The following GNAL variants were observed in gnomAD, a reference collection of about 807,000 sequenced individuals.
GNAL encodes G protein subunit alpha L.
A neutral mutation model predicts 55.1 loss-of-function variants in GNAL; 18 were observed. The observed-to-expected ratio is 0.33, with a 90% CI of 0.23 to 0.48. The LOEUF (loss-of-function observed/expected upper bound fraction) is 0.48, where lower values mean the gene tolerates loss of function less well. Among genes scored for constraint, GNAL ranks in the 20% least tolerant of loss-of-function variants. GNAL has a pLI of 0.99. For synonymous variants in GNAL, 253 were observed against 237.0 expected (o/e 1.07, Z -0.62); for missense variants, 412 against 614.1 (o/e 0.67, Z 3.48).
Position 11,751,608 on chromosome 18 carries a change from G to C in GNAL, c.377-1245G>C. 1.0e-6 allele frequency: 1 copy of C among 985,496 alleles called. No homozygotes were observed. The highest frequency in any genetic ancestry group is 1.2e-6 in the Non-Finnish European group (1 of 829,972). 61.0% of individuals were successfully genotyped at this position (985,496 alleles called of 1,614,324 possible). Reference sequence around the variant, plus strand: ...GGACGCGTCCGAGCCAACACGGGGCGCGCGCCCAGACGCACTTTCCCGGCT... The same window carrying C: ...GGACGCGTCCGAGCCAACACGGGGCCCGCGCCCAGACGCACTTTCCCGGCT... On this transcript the variant is annotated intron_variant, in intron 1 of 11. Coordinates refer to ENST00000334049, the MANE Select transcript of GNAL (RefSeq NM_182978.4). The surrounding 1 kb of genome is among the most constrained non-coding windows in gnomAD (Gnocchi z 4.5).
chr18:11,731,497 C>T lies in GNAL; in HGVS notation c.377-21356C>T, dbSNP rs372890239. Among the ~76,000 whole-genome samples the T allele has an allele frequency of 7.2e-5, 11 of 152,314 alleles. No homozygotes were observed. The East Asian group carries it at 1.5e-3, about 21-fold the overall frequency. ...TCTGAGGTTACCCTTGGCCAAGAAGCTTCATTCAGTCAGTGGGGGGCCTTA... is the reference window on the plus strand; with the variant it reads ...TCTGAGGTTACCCTTGGCCAAGAAGTTTCATTCAGTCAGTGGGGGGCCTTA... On this transcript the variant is annotated intron_variant, in intron 1 of 11. Transcript: ENST00000334049.
chr18:11,852,773 A>G, intron 5 of GNAL: 2 of 166,932 alleles, frequency 1.2e-5, no homozygotes. Context: ...TCACGTGATA[A>G]TTGTCTTTGC....
intron 4 of GNAL, among the ~76,000 whole-genome samples, chr18:11,760,948 G>C (rs893988131): frequency 6.6e-6 from 1 of 152,180 alleles, no homozygotes; most frequent in African/African-American, 2.4e-5. Context: ...CTGATGTGAG[G>C]ATTAAACATG....
intron 4 of GNAL, among the ~76,000 whole-genome samples, chr18:11,778,019 C>T (rs1244350051): frequency 1.3e-5 from 2 of 152,196 alleles, no homozygotes; most frequent in African/African-American, 4.8e-5. Flanking sequence ...TCCCCACCAG[C>T]TTGTGTTGTG....
chr18:11,689,797 C>CGAGCAGCTGAGTGCCGAG lies in GNAL; in HGVS notation c.239_256dup (p.Gln80_Glu85dup). 1 of 1,537,022 alleles carries CGAGCAGCTGAGTGCCGAG rather than the reference C, an allele frequency of 6.5e-7. No individual in the cohort carries two copies. The highest frequency in any genetic ancestry group is 8.7e-7 in the Non-Finnish European group (1 of 1,144,848). On this transcript the variant is annotated inframe_insertion, in exon 1 of 12. Coordinates refer to ENST00000334049, the MANE Select transcript of GNAL (RefSeq NM_182978.4). ...AGCCGAAGGAGAAGCGGCAGCGCAC[C>CGAGCAGCTGAGTGCCGAG]GAGCAGCTGAGTGCCGAGGAGCGCG...
Position 11,751,737 on chromosome 18 carries a change from G to C in GNAL, c.377-1116G>C. On this transcript the variant is annotated intron_variant, in intron 1 of 11. Transcript: ENST00000334049. The surrounding 1 kb of genome is among the most constrained non-coding windows in gnomAD (Gnocchi z 4.5). ...CGCCCCAGCCGGCCGGGCTCCGTGGGGGGTCAGCTCCCTGACCCCTACAGC... is the reference window on the plus strand; with the variant it reads ...CGCCCCAGCCGGCCGGGCTCCGTGGCGGGTCAGCTCCCTGACCCCTACAGC... The C allele has an allele frequency of 2.4e-6, 2 of 848,728 alleles. No homozygotes were observed. Among genetic ancestry groups the C allele is most frequent in the Non-Finnish European group, 2.8e-6 (2 of 704,702 alleles). The allele number at this position is 848,728 out of a possible 1,614,324, so 52.6% of individuals were successfully genotyped here.
intron 4 of GNAL, among the ~76,000 whole-genome samples, chr18:11,770,040 T>C (rs2033585141): frequency 6.6e-6 from 1 of 152,230 alleles, no homozygotes; most frequent in Admixed American, 6.5e-5. Flanking sequence ...TTTAATTAGA[T>C]AATTCAACTT....
chr18:11,715,209 C>T (rs1598408159), intron 1 of GNAL, among the ~76,000 whole-genome samples: 1 of 151,716 alleles, frequency 6.6e-6, no homozygotes, highest in East Asian at 1.9e-4. Context: ...CCTGTAATCC[C>T]AGCACTTTGG....
chr18:11,823,794 G>C (rs2035166985), intron 4 of GNAL, among the ~76,000 whole-genome samples: 1 of 80,840 alleles, frequency 1.2e-5, no homozygotes, highest in East Asian at 3.2e-4. Flanking sequence ...GCTGTGGGAA[G>C]GGCGTGAATT....
chr18:11,843,684 C>T (rs555459148), intron 5 of GNAL, among the ~76,000 whole-genome samples: 3 of 151,878 alleles, frequency 2.0e-5, no homozygotes, highest in South Asian at 4.2e-4. Flanking sequence ...CTAACAAAAT[C>T]GTTATGTCAC....
chr18:11,736,193 C>T (rs548984559), intron 1 of GNAL, among the ~76,000 whole-genome samples: 1 of 152,210 alleles, frequency 6.6e-6, no homozygotes, highest in Middle Eastern at 3.4e-3. Context: ...CCAGGAGTTC[C>T]AGACCAGCCT....
Position 11,689,320 on chromosome 18 carries a change from C to A in GNAL, c.-244C>A, listed in dbSNP as rs2031159479. On this transcript the variant is annotated 5_prime_UTR_variant, in exon 1 of 12. Transcript: ENST00000334049. Reference sequence around the variant, plus strand: ...TGATCTCCAGCCAAGGCGGCCGCCACCCCTTGCACACAGCAGAAAATGCAA... The same window carrying A: ...TGATCTCCAGCCAAGGCGGCCGCCAACCCTTGCACACAGCAGAAAATGCAA... 3.1e-6 allele frequency: 1 copy of A among 323,260 alleles called. No homozygotes were observed. The highest frequency in any genetic ancestry group is 1.6e-4 in the South Asian group (1 of 6,434). 20.0% of individuals were successfully genotyped at this position (323,260 alleles called of 1,614,324 possible). A position where few individuals can be genotyped will look rare whatever the true frequency, so the allele number is the denominator to read the frequency against.
intron 1 of GNAL, among the ~76,000 whole-genome samples, chr18:11,739,846 C>CTTTTT (rs113354400): frequency 7.0e-6 from 1 of 142,234 alleles, no homozygotes. Context: ...TGTGTGGTTA[C>CTTTTT]TTTTTTTTTT....
At chr18:11,762,586 G>C (rs2033279286) in intron 4 of GNAL, among the ~76,000 whole-genome samples, 1 of 152,220 alleles carries the variant, frequency 6.6e-6, no homozygotes, top group Admixed American at 6.5e-5. Context: ...GGTGGACATA[G>C]AGAGGACAGT....
At chr18:11,801,922 C>T (rs1255660740) in intron 4 of GNAL, among the ~76,000 whole-genome samples, 2 of 152,032 alleles carry the variant, frequency 1.3e-5, no homozygotes, top group African/African-American at 2.4e-5. Context: ...GTAGGGACCT[C>T]CTTCACCATC....
chr18:11,780,428 G>T (rs1187528776), intron 4 of GNAL, among the ~76,000 whole-genome samples: 2 of 151,894 alleles, frequency 1.3e-5, no homozygotes, highest in African/African-American at 4.8e-5. Flanking sequence ...CCAACTCTCG[G>T]TTTTAAATAT....
chr18:11,771,338 TGTTAATGTTAACATTAACTAATTGGAA>T (rs1335266262), intron 4 of GNAL, among the ~76,000 whole-genome samples: 1 of 152,192 alleles, frequency 6.6e-6, no homozygotes, highest in Non-Finnish European at 1.5e-5. Flanking sequence ...TGGAAGTTAA[TGTTAATGTTAACATTAACTAATTGGAA>T]GTTAATGATA....
At position 11,722,747 on chromosome 18, in the gene GNAL, C is replaced by CA. The variant is rs1413147005; in HGVS notation, c.377-30105dup. 6.6e-5 allele frequency among the ~76,000 whole-genome samples: 10 copies of CA among 152,122 alleles called. No individual in the cohort carries two copies. The East Asian group carries it at 1.3e-3, about 21-fold the overall frequency. On this transcript the variant is annotated intron_variant, in intron 1 of 11. Coordinates refer to ENST00000334049, the MANE Select transcript of GNAL (RefSeq NM_182978.4). ...AAAAATTGGGCAGGGCATGGTGGCT[C>CA]AGGCCTGTAATCCCAGCACTTTGGG...
chr18:11,757,096 C>A (rs1170241804), intron 4 of GNAL, among the ~76,000 whole-genome samples: 2 of 151,962 alleles, frequency 1.3e-5, no homozygotes, highest in African/African-American at 4.8e-5. Context: ...TGAGAATTTT[C>A]TCTGAGAATA....
Sources: gnomAD v4.1 joint callset for allele counts (sites outside exome capture counted in the v4.1 genomes callset) on GRCh38, gnomAD v4.1.1 for gene constraint, Gnocchi (gnomAD v3.1) non-coding constraint, MANE v1.5 for transcripts, NCBI Gene and HGNC (gene_info 2026-07-23, HGNC 2026-07-21) for gene names.